Variants in ULK4 observed in about 807,000 individuals in gnomAD.
ULK4 encodes inactive serine/threonine-protein kinase ULK4.
ULK4 carries 133 observed loss-of-function variants against 160.6 expected under a neutral mutation model. The ratio of observed to expected loss-of-function variants is 0.83; its 90% CI spans 0.72 to 0.96. The LOEUF is 0.96. Among genes scored for constraint, ULK4 ranks in the 40% least tolerant of loss-of-function variants. ULK4 has a pLI of 0.00. For missense variants in ULK4, 1,580 were observed against 1,499.5 expected (o/e 1.05, Z -0.89); for synonymous variants, 534 against 539.8 (o/e 0.99, Z 0.15).
intron 17 of ULK4, among the ~76,000 whole-genome samples, chr3:41,848,842 A>T (rs1432409988): frequency 6.6e-6 from 1 of 152,232 alleles, no homozygotes; most frequent in Non-Finnish European, 1.5e-5. Flanking sequence ...GTTAGGCAGA[A>T]TCAACCTTAA....
intron 30 of ULK4, among the ~76,000 whole-genome samples, chr3:41,651,631 T>C (rs2034747557): frequency 1.3e-5 from 2 of 152,176 alleles, no homozygotes; most frequent in African/African-American, 4.8e-5. Context: ...AGTTCCATGA[T>C]TCTATGATAT....
chr3:41,304,568 G>C (rs1284562916), intron 35 of ULK4, among the ~76,000 whole-genome samples: 1 of 152,164 alleles, frequency 6.6e-6, no homozygotes, highest in East Asian at 1.9e-4. Flanking sequence ...AGCAGAGAAA[G>C]TCTGGGGGCT....
intron 35 of ULK4, among the ~76,000 whole-genome samples, chr3:41,327,735 T>C (rs1164214952): frequency 2.0e-5 from 3 of 152,174 alleles, no homozygotes; most frequent in Non-Finnish European, 4.4e-5. Context: ...GTTGTATTTA[T>C]GCGGCGCCAT....
At chr3:41,483,119 C>CT (rs1308702067) in intron 32 of ULK4, among the ~76,000 whole-genome samples, 2 of 151,974 alleles carry the variant, frequency 1.3e-5, no homozygotes, top group African/African-American at 4.8e-5. Flanking sequence ...CATTCCTTCT[C>CT]TTTTTTTTGT....
intron 34 of ULK4, among the ~76,000 whole-genome samples, chr3:41,410,527 G>T (rs976221253): frequency 6.6e-6 from 1 of 152,122 alleles, no homozygotes. Context: ...AGGGAATGGG[G>T]AATGACTTTT....
intron 32 of ULK4, among the ~76,000 whole-genome samples, chr3:41,509,705 A>T (rs2085505283): frequency 1.3e-5 from 2 of 152,220 alleles, no homozygotes; most frequent in Non-Finnish European, 2.9e-5. Flanking sequence ...TCAGCCAAGA[A>T]TTTTGTATCT....
chr3:41,517,852 G>C (rs1417715508), intron 32 of ULK4, among the ~76,000 whole-genome samples: 2 of 152,148 alleles, frequency 1.3e-5, no homozygotes, highest in East Asian at 3.9e-4. Flanking sequence ...TTTGAACAAA[G>C]TATTTAGGTT....
intron 30 of ULK4, among the ~76,000 whole-genome samples, chr3:41,661,969 C>G (rs1325480671): frequency 1.3e-5 from 2 of 151,958 alleles, no homozygotes; most frequent in Admixed American, 1.3e-4. Context: ...GTCTAGAAAA[C>G]GTGACATGTG....
At chr3:41,678,259 C>T (rs1377791503) in intron 29 of ULK4, among the ~76,000 whole-genome samples, 1 of 151,180 alleles carries the variant, frequency 6.6e-6, no homozygotes, top group East Asian at 1.9e-4. Context: ...TCTGGAGAGC[C>T]ATCATACAGA....
intron 29 of ULK4, among the ~76,000 whole-genome samples, chr3:41,669,027 C>T (rs2035443202): frequency 6.6e-6 from 1 of 151,950 alleles, no homozygotes; most frequent in Non-Finnish European, 1.5e-5. Context: ...AATAAACAAA[C>T]CACAGAAAAA....
intron 6 of ULK4, among the ~76,000 whole-genome samples, chr3:41,919,353 G>C (rs1699091445): frequency 2.0e-5 from 3 of 152,102 alleles, no homozygotes; most frequent in Admixed American, 2.0e-4. Context: ...TATAATCCCA[G>C]AGCTTTGGGA....
At chr3:41,261,855 A>G (rs1165628568) in intron 35 of ULK4, among the ~76,000 whole-genome samples, 2 of 152,182 alleles carry the variant, frequency 1.3e-5, no homozygotes, top group Non-Finnish European at 2.9e-5. Context: ...GGCTTTGCAC[A>G]TCTCTCCTGG....
chr3:41,924,863 G>A (rs1699321637), intron 5 of ULK4, among the ~76,000 whole-genome samples: 1 of 152,046 alleles, frequency 6.6e-6, no homozygotes, highest in Non-Finnish European at 1.5e-5. Flanking sequence ...CCACCCTCTT[G>A]CATAGTGCCC....
chr3:41,506,771 T>TAA (rs2085399581), intron 32 of ULK4, among the ~76,000 whole-genome samples: 1 of 26,338 alleles, frequency 3.8e-5, no homozygotes, highest in Non-Finnish European at 7.1e-5. Context: ...ATTTAAAATA[T>TAA]ATATATATAT....
At chr3:41,820,548 C>T (rs375845697) in intron 18 of ULK4, among the ~76,000 whole-genome samples, 8 of 152,256 alleles carry the variant, frequency 5.3e-5, no homozygotes, top group Middle Eastern at 3.4e-3. Flanking sequence ...TCAAATACCA[C>T]GTGTTCTCAC....
At chr3:41,539,986 A>C (rs1376278111) in intron 32 of ULK4, among the ~76,000 whole-genome samples, 1 of 152,018 alleles carries the variant, frequency 6.6e-6, no homozygotes, top group African/African-American at 2.4e-5. Flanking sequence ...CCAAAGTTAG[A>C]GGAGAATATT....
intron 35 of ULK4, among the ~76,000 whole-genome samples, chr3:41,348,232 A>G (rs983343061): frequency 1.4e-5 from 2 of 146,350 alleles, no homozygotes; most frequent in East Asian, 3.9e-4. Flanking sequence ...AAAAAAAAAA[A>G]GTACATGGAC....
chr3:41,576,827 GAAAACATATAC>G (rs1209514896), intron 31 of ULK4, among the ~76,000 whole-genome samples: 1 of 152,136 alleles, frequency 6.6e-6, no homozygotes, highest in Admixed American at 6.5e-5. Flanking sequence ...CACTGGCATG[GAAAACATATAC>G]TCCTAAAATT....
At chr3:41,426,765 CA>C (rs533790375) in intron 34 of ULK4, among the ~76,000 whole-genome samples, 149 of 151,976 alleles carry the variant, frequency 9.8e-4, no homozygotes, top group African/African-American at 3.5e-3. Flanking sequence ...GCAGTTAAAG[CA>C]GTGTTAAGAA....
Sources: gnomAD v4.1 joint callset for allele counts (sites outside exome capture counted in the v4.1 genomes callset) on GRCh38, gnomAD v4.1.1 for gene constraint, MANE v1.5 for transcripts, NCBI Gene and HGNC (gene_info 2026-07-23, HGNC 2026-07-21) for gene names.